Variants in HOXB3 observed in about 807,000 individuals in gnomAD.
HOXB3 encodes homeobox protein Hox-B3.
In HOXB3, 17 loss-of-function variants were observed where a neutral mutation model predicts 29.2. The ratio of observed to expected loss-of-function variants is 0.58; its 90% CI spans 0.40 to 0.87. HOXB3 has a LOEUF of 0.87. HOXB3 is among the 40% of genes least tolerant of loss of function. HOXB3 has a pLI of 0.00. For synonymous variants in HOXB3, 317 were observed against 285.9 expected, an observed-to-expected ratio of 1.11 and a Z score of -1.10; for missense variants, 637 against 616.3, an observed-to-expected ratio of 1.03 and a Z score of -0.35.
chr17:48,567,440 G>C lies in HOXB3; in HGVS notation c.-247+6397C>G, dbSNP rs150907213. On this transcript the variant is annotated intron_variant, in intron 2 of 4. Coordinates refer to ENST00000498678, the MANE Select transcript of HOXB3 (RefSeq NM_001384749.1). ...CAGGGAATGAGGGGCCAACAGCTGG[G>C]ACTGGAGTTGGTGAAGGCTCTGGCC... Among the ~76,000 whole-genome samples the C allele has an allele frequency of 3.1e-3, 479 of 152,334 alleles. 3 individuals are homozygous for C. The highest frequency in any genetic ancestry group is 5.0e-3 in the Non-Finnish European group (341 of 68,028).
chr17:48,577,975 G>C (rs2069822425), intron 1 of HOXB3: 11 of 1,309,848 alleles, frequency 8.4e-6, no homozygotes, highest in Non-Finnish European at 1.1e-5. Context: ...GCGGGGGGCT[G>C]CTGCTGACCG....
chr17:48,564,747 C>T (rs1238525823), intron 2 of HOXB3, among the ~76,000 whole-genome samples: 2 of 152,098 alleles, frequency 1.3e-5, no homozygotes, highest in African/African-American at 2.4e-5. Context: ...ATGTCCGACC[C>T]GGCAGAGAAG....
chr17:48,577,060 T>C (rs767170863), intron 1 of HOXB3: 11 of 1,518,650 alleles, frequency 7.2e-6, no homozygotes, highest in Non-Finnish European at 9.7e-6. Flanking sequence ...GAAAGTTTTA[T>C]TGCCCCCGAA....
At chr17:48,576,681 C>T in intron 1 of HOXB3, 1 of 1,499,342 alleles carries the variant, frequency 6.7e-7, no homozygotes, top group Non-Finnish European at 8.9e-7. Context: ...ACTCACTGCC[C>T]ACCCCCACCC....
At chr17:48,581,651 G>C (rs2069942779) in intron 1 of HOXB3, 3 of 152,230 alleles carry the variant, frequency 2.0e-5, no homozygotes, top group African/African-American at 4.8e-5. Context: ...CCGCTGGGCC[G>C]GCGGCCGGGC....
At position 48,549,932 on chromosome 17, in the gene HOXB3, C is replaced by A; in HGVS notation, c.*402G>T. On this transcript the variant is annotated 3_prime_UTR_variant, in exon 5 of 5. Transcript: ENST00000498678. ...AAAATCAAGATTTGGGGGGAATTAC[C>A]TACAAAGATGTAAGGTAAGTCCGTT... 6.1e-6 allele frequency: 1 copy of A among 164,708 alleles called. No individual in the cohort carries two copies. The highest frequency in any genetic ancestry group is 1.8e-4 in the East Asian group (1 of 5,528). 10.2% of individuals were successfully genotyped at this position (164,708 alleles called of 1,614,324 possible). A position where few individuals can be genotyped will look rare whatever the true frequency, so the allele number is the denominator to read the frequency against.
rs1339463681 is a variant in HOXB3, at chr17:48,552,628, C to A, written c.-154G>T. On this transcript the variant is annotated 5_prime_UTR_variant, in exon 4 of 5. Coordinates refer to ENST00000498678, the MANE Select transcript of HOXB3 (RefSeq NM_001384749.1). ...CTCCTCCGGGGTCTGTTCCAAGCGGCTGACCTGCGAGGCGAGAGAAGAGAC... is the reference window on the plus strand; with the variant it reads ...CTCCTCCGGGGTCTGTTCCAAGCGGATGACCTGCGAGGCGAGAGAAGAGAC... 13 of 595,922 alleles carry A rather than the reference C, an allele frequency of 2.2e-5. No homozygotes were observed. Among genetic ancestry groups the A allele is most frequent in the Middle Eastern group, 9.1e-4 (2 of 2,204 alleles). 36.9% of individuals were successfully genotyped at this position (595,922 alleles called of 1,614,324 possible). A position where few individuals can be genotyped will look rare whatever the true frequency, so the allele number is the denominator to read the frequency against.
At chr17:48,576,650 T>TGCCCCCCCCCCCAACCCC in intron 1 of HOXB3, 1 of 567,770 alleles carries the variant, frequency 1.8e-6, no homozygotes, top group Non-Finnish European at 2.6e-6. Flanking sequence ...CCCCCTCCTG[T>TGCCCCCCCCCCCAACCCC]CCCCCCACCC....
intron 3 of HOXB3, chr17:48,553,318 T>G (rs1484730004): frequency 1.3e-5 from 2 of 152,428 alleles, no homozygotes; most frequent in East Asian, 3.9e-4. Context: ...CCTCCAGCCC[T>G]TGTCTTTGCT....
chr17:48,552,612 G>A lies in HOXB3; in HGVS notation c.-138C>T. Reference sequence around the variant, plus strand: ...TCCCCTCTCTGCCCCCCTCCTCCGGGGTCTGTTCCAAGCGGCTGACCTGCG... The same window carrying A: ...TCCCCTCTCTGCCCCCCTCCTCCGGAGTCTGTTCCAAGCGGCTGACCTGCG... On this transcript the variant is annotated 5_prime_UTR_variant, in exon 4 of 5. Coordinates refer to ENST00000498678, the MANE Select transcript of HOXB3 (RefSeq NM_001384749.1). The A allele has an allele frequency of 1.5e-6, 1 of 646,196 alleles. No individual in the cohort carries two copies. The highest frequency in any genetic ancestry group is 2.6e-6 in the Non-Finnish European group (1 of 389,768). 40.0% of individuals were successfully genotyped at this position (646,196 alleles called of 1,614,324 possible). A position where few individuals can be genotyped will look rare whatever the true frequency, so the allele number is the denominator to read the frequency against.
chr17:48,585,620 G>C (rs775042624), intron 1 of HOXB3, among the ~76,000 whole-genome samples: 1 of 152,148 alleles, frequency 6.6e-6, no homozygotes, highest in Non-Finnish European at 1.5e-5. Flanking sequence ...TGCGCTTTCG[G>C]TTTCCCTTCC....
chr17:48,554,186 G>T lies in HOXB3; in HGVS notation c.-159+1345C>A, dbSNP rs1048750980. 2 of 175,704 alleles carry T rather than the reference G, an allele frequency of 1.1e-5. No homozygotes were observed. Among genetic ancestry groups the T allele is most frequent in the African/African-American group, 4.8e-5 (2 of 41,728 alleles). 10.9% of individuals were successfully genotyped at this position (175,704 alleles called of 1,614,324 possible). ...GCCTCTGCTGATTTAACCAAAATTA[G>T]CTTCCAAGCAGCCCTGGCTGAAGGG... On this transcript the variant is annotated intron_variant, in intron 3 of 4. Transcript: ENST00000498678. This position sits in a 1 kb window ranked among gnomAD's most constrained non-coding sequence, Gnocchi z 4.1.
intron 1 of HOXB3, among the ~76,000 whole-genome samples, chr17:48,585,053 G>A (rs1370167547): frequency 6.6e-6 from 1 of 151,874 alleles, no homozygotes; most frequent in East Asian, 1.9e-4. Flanking sequence ...ATTCTGCTAC[G>A]CGCCGGCCGC....
At chr17:48,577,144 G>A (rs1343234448) in intron 1 of HOXB3, 1 of 923,542 alleles carries the variant, frequency 1.1e-6, no homozygotes, top group South Asian at 1.7e-5. Flanking sequence ...TTCCTTCTGA[G>A]GGAGAGCGGG....
intron 2 of HOXB3, among the ~76,000 whole-genome samples, chr17:48,564,851 A>G (rs958922762): frequency 6.6e-6 from 1 of 152,210 alleles, no homozygotes; most frequent in African/African-American, 2.4e-5. Context: ...GGCAATAGGA[A>G]GGATCAGACG....
intron 3 of HOXB3, 32 bp from the exon 4 acceptor site, chr17:48,552,664 G>A (rs193144822): frequency 5.5e-6 from 3 of 543,902 alleles, no homozygotes; most frequent in African/African-American, 1.9e-5. Context: ...ACAAGGGGGA[G>A]AAGAGGACTG....
rs2068686123 is a variant in HOXB3, at chr17:48,550,574, G to A, written c.1056C>T (p.Tyr352=). 3 of 1,525,794 alleles carry A rather than the reference G, an allele frequency of 2.0e-6. No homozygotes were observed. Among genetic ancestry groups the A allele is most frequent in the African/African-American group, 1.4e-5 (1 of 71,698 alleles). 94.5% of individuals were successfully genotyped at this position (1,525,794 alleles called of 1,614,324 possible). A position where few individuals can be genotyped will look rare whatever the true frequency, so the allele number is the denominator to read the frequency against. The part of the protein sequence containing the change: ...GTPTMQGSPV[Y]VGGGGYADPL... Reference sequence around the variant, plus strand: ...GATCCGCGTAGCCGCCCCCGCCCACGTACACCGGACTGCCCTGCATGGTGG... The same window carrying A: ...GATCCGCGTAGCCGCCCCCGCCCACATACACCGGACTGCCCTGCATGGTGG... The change falls in exon 5 of 5, where the codon TAC becomes TAT. Residue 352 remains tyrosine (Y), a synonymous_variant. Coordinates refer to ENST00000498678, the MANE Select transcript of HOXB3 (RefSeq NM_001384749.1).
At position 48,550,447 on chromosome 17, in the gene HOXB3, TGGGCGCCATAG is replaced by T; in HGVS notation, c.1172_1182del (p.Pro391GlnfsTer27). The T allele has an allele frequency of 6.2e-7, 1 of 1,613,632 alleles. No homozygotes were observed. The highest frequency in any genetic ancestry group is 8.5e-7 in the Non-Finnish European group (1 of 1,179,926). On this transcript the variant is annotated frameshift_variant, in exon 5 of 5. Transcript: ENST00000498678. LOFTEE classifies it high-confidence loss of function. ...GGTTCGCAGGGTCCGTGGTGCTGGC[TGGGCGCCATAG>T]GGGGCGCCCCGTTGTAGTCCAGGTT...
intron 1 of HOXB3, chr17:48,580,659 GCAGCCAGATGATATAGGGCCCCTCC>G (rs1313765689): frequency 1.3e-5 from 2 of 152,224 alleles, no homozygotes; most frequent in African/African-American, 4.8e-5. Flanking sequence ...CATAAAAGAT[GCAGCCAGATGATATAGGGCCCCTCC>G]CAGCCTCTCA....
Sources: gnomAD v4.1 joint callset for allele counts (sites outside exome capture counted in the v4.1 genomes callset) on GRCh38, gnomAD v4.1.1 for gene constraint, Gnocchi (gnomAD v3.1) non-coding constraint, MANE v1.5 for transcripts, NCBI Gene and HGNC (gene_info 2026-07-23, HGNC 2026-07-21) for gene names.